Variants in TRMT11 observed in about 807,000 individuals in gnomAD.
TRMT11 encodes tRNA methyltransferase 11, also known as tRNA (guanine(10)-N(2))-methyltransferase TRMT11.
TRMT11 carries 53 observed loss-of-function variants against 62.8 expected under a neutral mutation model. The ratio of observed to expected loss-of-function variants is 0.84; its 90% confidence interval spans 0.68 to 1.06. TRMT11 has a LOEUF of 1.06. Ranked by LOEUF, TRMT11 falls within the 50% of genes least tolerant of loss-of-function variation. TRMT11 has a pLI of 0.00. For missense variants in TRMT11, 556 were observed against 553.4 expected, an observed-to-expected ratio of 1.00 and a Z score of -0.05; for synonymous variants, 188 against 190.3, an observed-to-expected ratio of 0.99 and a Z score of 0.10.
intron 21 of TRMT11, among the ~76,000 whole-genome samples, chr6:126,172,125 T>A (rs1038537843): frequency 2.3e-4 from 35 of 151,392 alleles, no homozygotes; most frequent in African/African-American, 7.0e-4. Flanking sequence ...GATCAAAATT[T>A]AAAAAAAAAG....
At chr6:126,006,180 G>T (rs1051861160) in intron 7 of TRMT11, among the ~76,000 whole-genome samples, 1 of 151,860 alleles carries the variant, frequency 6.6e-6, no homozygotes, top group Non-Finnish European at 1.5e-5. Flanking sequence ...CGTCTAGTAG[G>T]AGTCCCATTG....
intron 17 of TRMT11, among the ~76,000 whole-genome samples, chr6:126,061,703 A>G (rs1322151003): frequency 6.6e-6 from 1 of 152,126 alleles, no homozygotes; most frequent in Non-Finnish European, 1.5e-5. Flanking sequence ...GCTGTCTCAT[A>G]TAGTCCTCTC....
chr6:126,231,481 T>G, the TRMT11 span, among the ~76,000 whole-genome samples: 1 of 152,196 alleles, frequency 6.6e-6, no homozygotes, highest in East Asian at 1.9e-4. Flanking sequence ...AATTGACTAT[T>G]ATTGTTATTT....
chr6:126,073,363 C>G (rs974457005), intron 17 of TRMT11, among the ~76,000 whole-genome samples: 8 of 152,168 alleles, frequency 5.3e-5, no homozygotes, highest in African/African-American at 1.9e-4. Flanking sequence ...GAACTCTTTT[C>G]TCTTGGAAAA....
intron 10 of TRMT11, 40 bp downstream of exon 10, chr6:126,012,892 AGAGG>A (rs769707231): frequency 3.1e-6 from 5 of 1,609,500 alleles, no homozygotes; most frequent in Non-Finnish European, 4.3e-6. Flanking sequence ...TACCTTGAGA[AGAGG>A]CATGTGGCTT....
At chr6:126,114,001 A>G (rs1312629976) in intron 18 of TRMT11, among the ~76,000 whole-genome samples, 5 of 152,098 alleles carry the variant, frequency 3.3e-5, no homozygotes, top group African/African-American at 1.2e-4. Context: ...TTGCAACCCA[A>G]TAGTGGGTCA....
chr6:126,085,183 T>C (rs995456071), intron 17 of TRMT11, among the ~76,000 whole-genome samples: 1 of 152,184 alleles, frequency 6.6e-6, no homozygotes, highest in Non-Finnish European at 1.5e-5. Context: ...CAAAACATCA[T>C]GTTGTACACC....
At chr6:126,015,772 G>C (rs748054398) in intron 11 of TRMT11, among the ~76,000 whole-genome samples, 4 of 152,132 alleles carry the variant, frequency 2.6e-5, no homozygotes, top group Non-Finnish European at 5.9e-5. Flanking sequence ...CTGTGGTCTG[G>C]AATATTTTCT....
chr6:125,993,809 A>G lies in TRMT11; in HGVS notation c.125A>G (p.Glu42Gly). 6.2e-7 allele frequency: 1 copy of G among 1,608,316 alleles called. No individual in the cohort carries two copies. The highest frequency in any genetic ancestry group is 8.5e-7 in the Non-Finnish European group (1 of 1,175,144). The change falls in exon 2 of 13, where the codon GAA (glutamate) becomes GGA (glycine). Residue 42 changes from glutamate (E) to glycine (G), a missense_variant. By Grantham distance (98) the Glu-to-Gly change is moderately conservative. Coordinates refer to ENST00000334379, the MANE Select transcript of TRMT11 (RefSeq NM_001031712.3). ...LFGGQFASSQ[E>G]TYGKSPFWIL... The stretch of plus-strand genomic sequence containing the variant: ...GGAGGTCAGTTTGCCAGCAGTCAAG[A>G]AACTTATGGAAAGGTAAGTTAAATT...
At chr6:126,099,401 A>T (rs1262080421) in intron 17 of TRMT11, among the ~76,000 whole-genome samples, 1 of 152,198 alleles carries the variant, frequency 6.6e-6, no homozygotes, top group Non-Finnish European at 1.5e-5. Flanking sequence ...CCTACCTGTG[A>T]CCTGCTGTGA....
chr6:125,987,347 A>G (rs1211716657), intron 1 of TRMT11, among the ~76,000 whole-genome samples: 1 of 152,198 alleles, frequency 6.6e-6, no homozygotes, highest in Non-Finnish European at 1.5e-5. Context: ...TTAGAGGGCC[A>G]AGGAGATAAA....
intron 1 of TRMT11, among the ~76,000 whole-genome samples, chr6:125,989,124 CTTTTTTTTTTTTT>C (rs971479523): frequency 1.1e-4 from 10 of 94,426 alleles, no homozygotes; most frequent in African/African-American, 4.2e-4. Context: ...AGTTTGGATT[CTTTTTTTTTTTTT>C]TTTTTTTTTT....
At chr6:126,191,220 T>C (rs1168534911) in intron 1 of TRMT11, among the ~76,000 whole-genome samples, 1 of 152,242 alleles carries the variant, frequency 6.6e-6, no homozygotes, top group East Asian at 1.9e-4. Context: ...CATATACTTG[T>C]TGGCCATTTA....
At chr6:125,991,729 C>T (rs1790662431) in intron 1 of TRMT11, among the ~76,000 whole-genome samples, 1 of 152,180 alleles carries the variant, frequency 6.6e-6, no homozygotes, top group African/African-American at 2.4e-5. Context: ...TAATGAATGG[C>T]TGCCTTTATG....
At chr6:125,997,170 G>GAT (rs1791654865) in intron 3 of TRMT11, among the ~76,000 whole-genome samples, 1 of 151,948 alleles carries the variant, frequency 6.6e-6, no homozygotes, top group South Asian at 2.1e-4. Flanking sequence ...GTGTAGCTGA[G>GAT]GTATACCTTA....
At chr6:126,098,320 C>G (rs1777362141) in intron 17 of TRMT11, among the ~76,000 whole-genome samples, 2 of 152,172 alleles carry the variant, frequency 1.3e-5, no homozygotes, top group Non-Finnish European at 2.9e-5. Context: ...CTTCCACTCT[C>G]CTTAGAATTT....
chr6:126,091,199 A>AAG lies in TRMT11; in HGVS notation c.*1438-21667_*1438-21666insAG, dbSNP rs1354162100. ...AGCCTGGGTGACAGAGCGAGACTCC[A>AAG]TCTCAAAAAAAAAAAAAAAAATTTA... On this transcript the variant is annotated intron_variant and NMD_transcript_variant, in intron 17 of 22. Transcript: ENST00000648977. 6.2e-3 allele frequency among the ~76,000 whole-genome samples: 469 copies of AAG among 75,216 alleles called. 5 individuals are homozygous for AAG. The highest frequency in any genetic ancestry group is 0.038 in the African/African-American group (454 of 12,048). The allele number at this position is 75,216 out of a possible 152,430, so 49.3% of individuals were successfully genotyped here.
chr6:126,010,012 C>T (rs1257619323), intron 8 of TRMT11, among the ~76,000 whole-genome samples: 2 of 151,896 alleles, frequency 1.3e-5, no homozygotes, highest in Non-Finnish European at 2.9e-5. Flanking sequence ...CAAGTTTCTC[C>T]TGTTTTAAAA....
At chr6:126,195,019 C>G (rs9482728) in intron 1 of TRMT11, among the ~76,000 whole-genome samples, 19,522 of 152,024 alleles carry the variant, frequency 0.13, 4,161 homozygotes, top group African/African-American at 0.44. Context: ...AGGAGGCTGA[C>G]GCAGGAGGAT....
Sources: gnomAD v4.1 joint callset for allele counts (sites outside exome capture counted in the v4.1 genomes callset) on GRCh38, gnomAD v4.1.1 for gene constraint, MANE v1.5 for transcripts, NCBI Gene and HGNC (gene_info 2026-07-23, HGNC 2026-07-21) for gene names.